The following LAMA4 variants were observed in gnomAD, a reference collection of about 807,000 sequenced individuals.
LAMA4 encodes the protein laminin subunit alpha-4.
A neutral mutation model predicts 207.1 loss-of-function variants in LAMA4; 127 were observed. The observed-to-expected ratio is 0.61, with a 90% CI of 0.53 to 0.71. The LOEUF is 0.71. Ranked by LOEUF, LAMA4 falls within the 30% of genes least tolerant of loss-of-function variation. LAMA4 has a pLI of 0.00. For synonymous variants in LAMA4, 761 were observed against 816.0 expected (o/e 0.93, Z 1.15); for missense variants, 2,093 against 2,246.5 (o/e 0.93, Z 1.38).
chr6:112,196,939 G>T (rs781975660), intron 5 of LAMA4, among the ~76,000 whole-genome samples: 3 of 152,178 alleles, frequency 2.0e-5, no homozygotes, highest in Non-Finnish European at 4.4e-5. Context: ...TGTCTGTCAA[G>T]CAGCTCATAG....
intron 2 of LAMA4, among the ~76,000 whole-genome samples, chr6:112,234,973 C>T (rs555602162): frequency 2.4e-4 from 37 of 152,294 alleles, no homozygotes; most frequent in South Asian, 1.5e-3. Flanking sequence ...TTACTCTGAC[C>T]TTACACAGAC....
chr6:112,201,472 T>C, intron 5 of LAMA4, 136 bp downstream of exon 5: 1 of 813,912 alleles, frequency 1.2e-6, no homozygotes. Flanking sequence ...TAAGGGGTTT[T>C]GAAATGCAGT....
chr6:112,148,428 A>T, intron 17 of LAMA4, 92 bp from the exon 18 acceptor site: 1 of 1,391,394 alleles, frequency 7.2e-7, no homozygotes, highest in Non-Finnish European at 1.0e-6. Context: ...AATGAAACAG[A>T]TCTCACATTT....
rs148084055 is a variant in LAMA4, at chr6:112,133,500, G to A, written c.3558-13C>T. ...TGCTCTGAGGGCCCTGGAAAAGAAA[G>A]TCAGCCTCACTGATACAGCCATGAT... On this transcript the variant is annotated splice_polypyrimidine_tract_variant and intron_variant, in intron 26 of 38. Transcript: ENST00000230538. The A allele has an allele frequency of 2.7e-5, 44 of 1,613,436 alleles. No individual in the cohort carries two copies. In the African/African-American group the frequency reaches 5.5e-4, roughly 20 times the overall value.
chr6:112,113,406 A>C (rs1777820366), intron 38 of LAMA4, among the ~76,000 whole-genome samples: 1 of 152,240 alleles, frequency 6.6e-6, no homozygotes, highest in Non-Finnish European at 1.5e-5. Flanking sequence ...TTTCCAAGTT[A>C]GTGAAATGTG....
At chr6:112,170,286 C>T (rs547512146) in intron 12 of LAMA4, among the ~76,000 whole-genome samples, 2 of 151,438 alleles carry the variant, frequency 1.3e-5, no homozygotes, top group African/African-American at 2.4e-5. Flanking sequence ...GATGGGATCT[C>T]CTGCAGGCCA....
At chr6:112,226,304 T>C (rs556562836) in intron 2 of LAMA4, among the ~76,000 whole-genome samples, 1 of 152,286 alleles carries the variant, frequency 6.6e-6, no homozygotes, top group Admixed American at 6.5e-5. Context: ...CATACAAGGA[T>C]CCAACCTTAA....
In LAMA4 at chr6:112,222,928, CT is replaced by C. The variant is rs200214903; in HGVS notation, c.196-6460del. Among the ~76,000 whole-genome samples the C allele has an allele frequency of 4.6e-3, 706 of 152,242 alleles. 6 individuals carry two copies. Among genetic ancestry groups the C allele is most frequent in the African/African-American group, 0.016 (669 of 41,548 alleles). ...TATTTATTAATACTAATGAACATTTCTTTAATTTGCTTCTTGAAAATTATTT... is the reference window on the plus strand; with the variant it reads ...TATTTATTAATACTAATGAACATTTCTTAATTTGCTTCTTGAAAATTATTT... On this transcript the variant is annotated intron_variant, in intron 2 of 38. Coordinates refer to ENST00000230538, the MANE Select transcript of LAMA4 (RefSeq NM_001105206.3).
In LAMA4 at chr6:112,150,579, A is replaced by G; in HGVS notation, c.2105T>C (p.Leu702Pro). 1.2e-6 allele frequency: 2 copies of G among 1,614,040 alleles called. No individual in the cohort carries two copies. The highest frequency in any genetic ancestry group is 1.7e-6 in the Non-Finnish European group (2 of 1,179,960). The change falls in exon 17 of 39, where the codon CTA becomes CCA. Residue 702 changes from leucine (L) to proline (P), a missense_variant. Around this residue, in one of 3 missense-constraint regions of LAMA4, gnomAD observed 1,704 missense variants for 1,788.4 expected, o/e 0.95. Transcript: ENST00000230538. Reference sequence around the variant, plus strand: ...GGTTTTAAGGGCACTTTTCCTTGCTAGGGCTCCACCCACACGCCTGCTAGT... The same window carrying G: ...GGTTTTAAGGGCACTTTTCCTTGCTGGGGCTCCACCCACACGCCTGCTAGT... ...ADTSRRVGGALARKSALKTRL... is the reference protein window; with the variant it reads ...ADTSRRVGGAPARKSALKTRL...
chr6:112,188,664 T>C (rs1782836904), intron 7 of LAMA4, among the ~76,000 whole-genome samples: 3 of 152,212 alleles, frequency 2.0e-5, no homozygotes, highest in Non-Finnish European at 4.4e-5. Context: ...AGCCTGAATA[T>C]TTACTTCTGC....
chr6:112,236,290 A>C (rs1785914635), intron 2 of LAMA4: 1 of 152,232 alleles, frequency 6.6e-6, no homozygotes, highest in African/African-American at 2.4e-5. Flanking sequence ...CTGCTGTCTC[A>C]ACAAGTTTCC....
At position 112,148,278 on chromosome 6, in the gene LAMA4, C is replaced by T. The variant is rs145489423; in HGVS notation, c.2232G>A (p.Thr744=). The change falls in exon 18 of 39, where the codon ACG becomes ACA. Residue 744 remains threonine, a synonymous_variant. Transcript: ENST00000230538. ...CAGTGGCCTGCTGCACCTCCATCGTCGTCCTGTTGGCTTCCTCGGTGATCA... is the reference window on the plus strand; with the variant it reads ...CAGTGGCCTGCTGCACCTCCATCGTTGTCCTGTTGGCTTCCTCGGTGATCA... ...SRLITEEANR[T]TMEVQQATAP... 6.2e-5 allele frequency: 100 copies of T among 1,614,196 alleles called. No homozygotes were observed. Among genetic ancestry groups the T allele is most frequent in the Non-Finnish European group, 7.6e-5 (90 of 1,180,026 alleles).
chr6:112,188,232 G>C (rs567556880), intron 7 of LAMA4, among the ~76,000 whole-genome samples: 1 of 152,166 alleles, frequency 6.6e-6, no homozygotes, highest in Non-Finnish European at 1.5e-5. Context: ...GCGTGTTAAT[G>C]GTTGTTAATA....
Position 112,145,235 on chromosome 6 carries a change from A to G in LAMA4, c.2354-302T>C, listed in dbSNP as rs562611916. The stretch of plus-strand genomic sequence containing the variant: ...CACAGCCACTATTGTTTGAAAATGT[A>G]TAACTGCCCTGCCGATGCCATGCAC... On this transcript the variant is annotated intron_variant, in intron 18 of 38. Coordinates refer to ENST00000230538, the MANE Select transcript of LAMA4 (RefSeq NM_001105206.3). 8.5e-5 allele frequency among the ~76,000 whole-genome samples: 13 copies of G among 152,352 alleles called. 1 individual carries two copies. In the South Asian group the frequency reaches 2.7e-3, roughly 32 times the overall value.
At chr6:112,162,410 T>G (rs1170410458) in intron 13 of LAMA4, among the ~76,000 whole-genome samples, 1 of 151,880 alleles carries the variant, frequency 6.6e-6, no homozygotes, top group African/African-American at 2.4e-5. Flanking sequence ...AGGCAGAGGT[T>G]GCAGTGAGCC....
At chr6:112,184,326 A>AG in intron 9 of LAMA4, among the ~76,000 whole-genome samples, 1 of 149,836 alleles carries the variant, frequency 6.7e-6, no homozygotes, top group South Asian at 2.1e-4. Flanking sequence ...TATCATTAGA[A>AG]AAAAAAAAAA....
At chr6:112,253,806 T>C (rs1332968677) in intron 2 of LAMA4, 150 bp downstream of exon 2, 1 of 1,614,206 alleles carries the variant, frequency 6.2e-7, no homozygotes, top group Admixed American at 1.7e-5. Flanking sequence ...GAAAACTCTT[T>C]ATTTCAAGTT....
intron 9 of LAMA4, chr6:112,179,813 A>C (rs1457361282): frequency 2.3e-6 from 1 of 440,438 alleles, no homozygotes; most frequent in African/African-American, 2.1e-5. Context: ...AGGCTCCTGT[A>C]GTCACAGAGC....
In LAMA4 at chr6:112,139,735, T is replaced by C. The variant is rs782353162; in HGVS notation, c.3110+17A>G. The C allele has an allele frequency of 2.7e-5, 43 of 1,613,204 alleles. No homozygotes were observed. The Admixed American group carries it at 4.7e-4, about 18-fold the overall frequency. On this transcript the variant is annotated intron_variant, in intron 23 of 38. Coordinates refer to ENST00000230538, the MANE Select transcript of LAMA4 (RefSeq NM_001105206.3). Reference sequence around the variant, plus strand: ...GCATGAATATCCAAGTCTTTAGTACTCTTAACTGTCTCTTACCGGGCACAT... The same window carrying C: ...GCATGAATATCCAAGTCTTTAGTACCCTTAACTGTCTCTTACCGGGCACAT...
Sources: gnomAD v4.1 joint callset for allele counts (sites outside exome capture counted in the v4.1 genomes callset) on GRCh38, gnomAD v4.1.1 for gene constraint, gnomAD v4.1.1 regional missense constraint, MANE v1.5 for transcripts, NCBI Gene and HGNC (gene_info 2026-07-23, HGNC 2026-07-21) for gene names.